ING3: variants seen among roughly 807,000 people sequenced by gnomAD.
ING3 encodes the protein inhibitor of growth protein 3.
Under a neutral mutation model 64.8 loss-of-function variants are expected in ING3, and 6 were observed. The observed-to-expected ratio is 0.09, with a 90% CI of 0.05 to 0.18. The LOEUF is 0.18. Ranked by LOEUF, ING3 falls within the 10% of genes least tolerant of loss-of-function variation. The probability of loss-of-function intolerance (pLI) is 1.00; values close to 1 mark genes in which losing one functional copy is unlikely to be tolerated. For synonymous variants in ING3, 170 were observed against 173.7 expected (o/e 0.98, Z 0.17); for missense variants, 310 against 489.7 (o/e 0.63, Z 3.46).
At chr7:120,964,705 A>C (rs1020595203) in intron 4 of ING3, 37 bp from the exon 5 acceptor site, 18 of 1,574,012 alleles carry the variant, frequency 1.1e-5, no homozygotes, top group Non-Finnish European at 1.6e-5. Flanking sequence ...ACAGTGTCCC[A>C]AATTTTGGTG....
chr7:120,964,065 A>G (rs925132139), intron 4 of ING3, among the ~76,000 whole-genome samples: 6 of 152,146 alleles, frequency 3.9e-5, no homozygotes, highest in Non-Finnish European at 5.9e-5. Context: ...ATTTTCTGAA[A>G]TTAGTCAAAA....
intron 9 of ING3, among the ~76,000 whole-genome samples, chr7:120,970,139 T>C (rs1041252665): frequency 2.0e-5 from 3 of 152,100 alleles, no homozygotes; most frequent in African/African-American, 7.2e-5. Context: ...TGCTTTAGGT[T>C]TTGATGAAGA....
At chr7:120,957,244 T>C (rs1584988750) in intron 4 of ING3, among the ~76,000 whole-genome samples, 2 of 151,490 alleles carry the variant, frequency 1.3e-5, no homozygotes, top group Admixed American at 6.6e-5. Flanking sequence ...TGGTGGCGGG[T>C]GCCTGTAGTT....
At chr7:120,972,749 A>C (rs1290182106) in intron 10 of ING3, among the ~76,000 whole-genome samples, 1 of 152,198 alleles carries the variant, frequency 6.6e-6, no homozygotes, top group African/African-American at 2.4e-5. Context: ...TATGCCCTAA[A>C]GTGCTGGTGA....
Position 120,950,850 on chromosome 7 carries a change from C to A in ING3, c.-47C>A, listed in dbSNP as rs755619952. The A allele has an allele frequency of 1.9e-6, 3 of 1,597,866 alleles. No homozygotes were observed. Among genetic ancestry groups the A allele is most frequent in the East Asian group, 2.3e-5 (1 of 44,022 alleles). On this transcript the variant is annotated 5_prime_UTR_variant, in exon 1 of 12. Transcript: ENST00000315870. ...AAAACTCCGGCGACAGCGAGTGACACAAATAAACCCCTGGACCCCCTTGTT... is the reference window on the plus strand; with the variant it reads ...AAAACTCCGGCGACAGCGAGTGACAAAAATAAACCCCTGGACCCCCTTGTT...
chr7:120,955,487 C>G, intron 3 of ING3, 72 bp from the exon 4 acceptor site: 2 of 968,680 alleles, frequency 2.1e-6, no homozygotes, highest in South Asian at 3.1e-5. Context: ...AATGAAAATG[C>G]AGTTGTATGT....
intron 9 of ING3, among the ~76,000 whole-genome samples, chr7:120,970,190 G>T (rs982451641): frequency 6.6e-6 from 1 of 152,050 alleles, no homozygotes; most frequent in Non-Finnish European, 1.5e-5. Context: ...GAGTGGCTGG[G>T]CGGGGTGGCT....
At chr7:120,965,451 C>T (rs1044485877) in intron 5 of ING3, among the ~76,000 whole-genome samples, 1 of 152,144 alleles carries the variant, frequency 6.6e-6, no homozygotes, top group Admixed American at 6.5e-5. Context: ...GTTTCCTTAA[C>T]TAATTTAGCA....
intron 3 of ING3, among the ~76,000 whole-genome samples, chr7:120,954,360 A>G (rs980788011): frequency 6.6e-6 from 1 of 151,476 alleles, no homozygotes; most frequent in South Asian, 2.1e-4. Context: ...CAGGAGGTGG[A>G]GGTTGCAGTG....
intron 10 of ING3, among the ~76,000 whole-genome samples, chr7:120,972,591 G>GACA (rs1184244876): frequency 1.3e-5 from 2 of 152,090 alleles, no homozygotes; most frequent in Non-Finnish European, 2.9e-5. Context: ...CCAAAAACTT[G>GACA]ATATTCAGAG....
intron 10 of ING3, among the ~76,000 whole-genome samples, chr7:120,972,232 T>G (rs1796079122): frequency 6.6e-6 from 1 of 152,150 alleles, no homozygotes; most frequent in Admixed American, 6.5e-5. Context: ...CAAAAAATTG[T>G]CTTGTATAAT....
At chr7:120,964,901 C>A in intron 5 of ING3, 63 bp downstream of exon 5, 2 of 1,309,822 alleles carry the variant, frequency 1.5e-6, no homozygotes, top group Non-Finnish European at 2.2e-6. Context: ...GCTGAGAAGA[C>A]CTTGTCCCAC....
intron 2 of ING3, among the ~76,000 whole-genome samples, chr7:120,952,719 C>T (rs999782394): frequency 6.6e-6 from 1 of 151,746 alleles, no homozygotes; most frequent in Non-Finnish European, 1.5e-5. Context: ...AAAGATTTTT[C>T]TCAACTTACA....
chr7:120,970,680 T>C lies in ING3; in HGVS notation c.909-8T>C. The C allele has an allele frequency of 6.2e-7, 1 of 1,613,440 alleles. No individual in the cohort carries two copies. The highest frequency in any genetic ancestry group is 8.5e-7 in the Non-Finnish European group (1 of 1,179,568). On this transcript the variant is annotated splice_region_variant and splice_polypyrimidine_tract_variant and intron_variant, in intron 9 of 11. Coordinates refer to ENST00000315870, the MANE Select transcript of ING3 (RefSeq NM_019071.3). Reference sequence around the variant, plus strand: ...GTGAGCAAATAAAACTTATACTATTTTTTTCAGAAACAACAACAAGTCTTC... The same window carrying C: ...GTGAGCAAATAAAACTTATACTATTCTTTTCAGAAACAACAACAAGTCTTC...
chr7:120,959,930 C>G, intron 4 of ING3, among the ~76,000 whole-genome samples: 1 of 152,054 alleles, frequency 6.6e-6, no homozygotes, highest in East Asian at 1.9e-4. Context: ...CAGGCGTGAG[C>G]CACCACACCT....
rs1795749315 is a variant in ING3 at position 120,950,892 on chromosome 7, C to T, written c.-5C>T. 6.2e-7 allele frequency: 1 copy of T among 1,613,600 alleles called. No individual in the cohort carries two copies. Among genetic ancestry groups the T allele is most frequent in the Non-Finnish European group, 8.5e-7 (1 of 1,179,792 alleles). The stretch of plus-strand genomic sequence containing the variant: ...CCCCTTGTTCCCTCAGCTCTAAGGG[C>T]CGCGATGTTGTACCTAGAAGACTAT... On this transcript the variant is annotated 5_prime_UTR_variant, in exon 1 of 12. Transcript: ENST00000315870.
chr7:120,951,278 A>G (rs1479765837), intron 2 of ING3, 43 bp downstream of exon 2: 7 of 1,583,586 alleles, frequency 4.4e-6, no homozygotes, highest in African/African-American at 2.7e-5. Context: ...GCGCGCGTTC[A>G]GTGCCAGACT....
In ING3 at chr7:120,975,534, G is replaced by A. The variant is rs1001865754; in HGVS notation, c.*690G>A. ...GTGCAGTTCATGAGGGAGGGGGCGG[G>A]GGACTGAAGGGGAAAGGGCGTTAAA... is the stretch of plus-strand genomic sequence containing the variant. On this transcript the variant is annotated 3_prime_UTR_variant, in exon 12 of 12. Transcript: ENST00000315870. 1 of 150,436 alleles carries A rather than the reference G, an allele frequency of 6.6e-6. No individual in the cohort carries two copies. Among genetic ancestry groups the A allele is most frequent in the African/African-American group, 2.4e-5 (1 of 40,824 alleles). The allele number at this position is 150,436 out of a possible 1,614,324, so 9.3% of individuals were successfully genotyped here.
At chr7:120,954,712 A>G (rs936979648) in intron 3 of ING3, among the ~76,000 whole-genome samples, 8 of 152,176 alleles carry the variant, frequency 5.3e-5, no homozygotes, top group African/African-American at 1.9e-4. Flanking sequence ...CTAGTACTCC[A>G]TGGAAATTCA....
Sources: allele counts gnomAD v4.1 joint callset (sites outside exome capture counted in the v4.1 genomes callset), GRCh38; gene constraint gnomAD v4.1.1; transcripts MANE v1.5; gene names NCBI Gene and HGNC (gene_info 2026-07-23, HGNC 2026-07-21).